The following GRK5 variants were observed in gnomAD, a reference collection of about 807,000 sequenced individuals.
The protein encoded by GRK5 is g protein-coupled receptor kinase GRK5.
GRK5 carries 40 observed loss-of-function variants against 78.4 expected under a neutral mutation model. The ratio of observed to expected loss-of-function variants is 0.51; its 90% CI spans 0.40 to 0.66. The LOEUF (loss-of-function observed/expected upper bound fraction) is 0.66, where lower values mean the gene tolerates loss of function less well. GRK5 is among the 30% of genes least tolerant of loss of function. The probability of loss-of-function intolerance (pLI) is 0.00; values close to 1 mark genes in which losing one functional copy is unlikely to be tolerated. For missense variants in GRK5, 598 were observed against 759.9 expected (o/e 0.79, Z 2.50); for synonymous variants, 289 against 296.8 (o/e 0.97, Z 0.27).
At chr10:119,347,218 A>G (rs1851110025) in intron 2 of GRK5, among the ~76,000 whole-genome samples, 1 of 151,904 alleles carries the variant, frequency 6.6e-6, no homozygotes, top group Admixed American at 6.6e-5. Flanking sequence ...TATTTCATGT[A>G]TGTGTGTGTG....
At chr10:119,398,288 C>A (rs1198950162) in intron 4 of GRK5, among the ~76,000 whole-genome samples, 1 of 152,206 alleles carries the variant, frequency 6.6e-6, no homozygotes, top group Non-Finnish European at 1.5e-5. Flanking sequence ...TGGGCATAAA[C>A]ACATGCCCTG....
intron 2 of GRK5, among the ~76,000 whole-genome samples, chr10:119,328,744 T>C (rs1850720097): frequency 6.6e-6 from 1 of 152,180 alleles, no homozygotes; most frequent in African/African-American, 2.4e-5. Context: ...AGGGGAGCAA[T>C]GTGAGAAGCG....
intron 1 of GRK5, among the ~76,000 whole-genome samples, chr10:119,321,932 T>C (rs760442091): frequency 3.9e-5 from 6 of 152,174 alleles, no homozygotes; most frequent in Admixed American, 1.3e-4. Context: ...TCCTAAATGT[T>C]GGTAAAATGG....
chr10:119,371,733 T>A (rs1318767360), intron 2 of GRK5, among the ~76,000 whole-genome samples: 2 of 152,248 alleles, frequency 1.3e-5, no homozygotes, highest in Non-Finnish European at 2.9e-5. Flanking sequence ...TTTCACCAGC[T>A]ACCTCCTATC....
intron 12 of GRK5, among the ~76,000 whole-genome samples, chr10:119,446,296 C>T (rs1853147161): frequency 6.6e-6 from 1 of 152,214 alleles, no homozygotes; most frequent in Non-Finnish European, 1.5e-5. Flanking sequence ...TCAACCTGCA[C>T]ACGGTTTTTC....
intron 1 of GRK5, among the ~76,000 whole-genome samples, chr10:119,278,897 A>G (rs1849710403): frequency 6.6e-6 from 1 of 152,062 alleles, no homozygotes; most frequent in African/African-American, 2.4e-5. Flanking sequence ...TTTTTCTTCA[A>G]GACGGAGTCT....
intron 4 of GRK5, among the ~76,000 whole-genome samples, chr10:119,404,896 C>T (rs1231035731): frequency 6.6e-6 from 1 of 152,234 alleles, no homozygotes; most frequent in Non-Finnish European, 1.5e-5. Flanking sequence ...ACCCATTTTA[C>T]AGATCAGGTA....
rs146324500 is a variant in GRK5, at chr10:119,349,112, G to A, written c.148+22501G>A. On this transcript the variant is annotated intron_variant, in intron 2 of 15. Coordinates refer to ENST00000392870, the MANE Select transcript of GRK5 (RefSeq NM_005308.3). ...CCAGTGGGGAGAGGTTAAACACTGT[G>A]GATTTGTTGTTTCAGGGAAGAACTC... is the stretch of plus-strand genomic sequence containing the variant. Among the ~76,000 whole-genome samples, 390 of 152,312 alleles carry A rather than the reference G, an allele frequency of 2.6e-3. 2 individuals carry two copies. The highest frequency in any genetic ancestry group is 9.2e-3 in the African/African-American group (381 of 41,554).
At chr10:119,358,423 G>A (rs1851301140) in intron 2 of GRK5, among the ~76,000 whole-genome samples, 1 of 152,174 alleles carries the variant, frequency 6.6e-6, no homozygotes, top group Admixed American at 6.5e-5. Flanking sequence ...GATTGGACCT[G>A]TATCCATCTC....
At chr10:119,242,224 TAAAG>T (rs1849038952) in intron 1 of GRK5, among the ~76,000 whole-genome samples, 1 of 152,038 alleles carries the variant, frequency 6.6e-6, no homozygotes, top group Non-Finnish European at 1.5e-5. Flanking sequence ...TACACCCTAT[TAAAG>T]AAGAATAACG....
intron 2 of GRK5, among the ~76,000 whole-genome samples, chr10:119,364,734 C>T (rs1463708495): frequency 1.3e-5 from 2 of 152,186 alleles, no homozygotes; most frequent in Non-Finnish European, 2.9e-5. Context: ...GTTTGCCTGT[C>T]TCTGTGACTG....
chr10:119,433,281 C>T (rs1257573155), intron 8 of GRK5, among the ~76,000 whole-genome samples: 1 of 152,178 alleles, frequency 6.6e-6, no homozygotes, highest in Non-Finnish European at 1.5e-5. Flanking sequence ...GAGTCCGAAA[C>T]CTTCCTCCCC....
At chr10:119,392,045 G>A (rs753312900) in intron 3 of GRK5, among the ~76,000 whole-genome samples, 20 of 152,150 alleles carry the variant, frequency 1.3e-4, no homozygotes, top group Admixed American at 7.2e-4. Flanking sequence ...TTGAAAACGT[G>A]GCAGGTTCTT....
chr10:119,314,916 C>A lies in GRK5; in HGVS notation c.53-11600C>A, dbSNP rs144372720. On this transcript the variant is annotated intron_variant, in intron 1 of 15. Coordinates refer to ENST00000392870, the MANE Select transcript of GRK5 (RefSeq NM_005308.3). ...AGGTGCACCGAGTCAGGGACCCAGG[C>A]AGGGGCTGGCTGTTCTCAGAAGGTG... Among the ~76,000 whole-genome samples, 51 of 152,176 alleles carry A rather than the reference C, an allele frequency of 3.4e-4. 1 individual carries two copies. Among genetic ancestry groups the A allele is most frequent in the Middle Eastern group, 6.8e-3 (2 of 294 alleles).
intron 8 of GRK5, 54 bp from the exon 9 acceptor site, chr10:119,436,597 G>T (rs1340162172): frequency 8.4e-6 from 13 of 1,553,030 alleles, no homozygotes; most frequent in African/African-American, 4.1e-5. Flanking sequence ...GAGGGAAGTG[G>T]AAGTGAGTGG....
chr10:119,389,838 C>CA (rs1851860761), intron 3 of GRK5, among the ~76,000 whole-genome samples: 1 of 140,096 alleles, frequency 7.1e-6, no homozygotes, highest in Non-Finnish European at 1.6e-5. Flanking sequence ...ACACACACAC[C>CA]CAACACACAG....
intron 1 of GRK5, among the ~76,000 whole-genome samples, chr10:119,226,358 C>G (rs1212524567): frequency 7.0e-6 from 1 of 143,244 alleles, no homozygotes; most frequent in Non-Finnish European, 1.5e-5. Flanking sequence ...GTCACCCAGG[C>G]TGGAGTGCAG....
At chr10:119,257,199 G>A (rs1329868206) in intron 1 of GRK5, among the ~76,000 whole-genome samples, 1 of 152,146 alleles carries the variant, frequency 6.6e-6, no homozygotes, top group African/African-American at 2.4e-5. Flanking sequence ...TTTGGGGAGT[G>A]TTCTTATTTT....
At chr10:119,311,055 T>C (rs1850350863) in intron 1 of GRK5, among the ~76,000 whole-genome samples, 1 of 152,198 alleles carries the variant, frequency 6.6e-6, no homozygotes. Context: ...TCCGCCTTGC[T>C]GGGAAGGTGG....
Sources: gnomAD v4.1 joint callset for allele counts (sites outside exome capture counted in the v4.1 genomes callset) on GRCh38, gnomAD v4.1.1 for gene constraint, MANE v1.5 for transcripts, NCBI Gene and HGNC (gene_info 2026-07-23, HGNC 2026-07-21) for gene names.